The following SEMA3A variants were observed in gnomAD, a reference collection of about 807,000 sequenced individuals.
The protein encoded by SEMA3A is semaphorin 3A, also known as semaphorin-3A.
Under a neutral mutation model 97.9 loss-of-function variants are expected in SEMA3A, and 29 were observed. The ratio of observed to expected loss-of-function variants is 0.30; its 90% CI spans 0.22 to 0.40. The LOEUF (loss-of-function observed/expected upper bound fraction) is 0.40, where lower values mean the gene tolerates loss of function less well. Ranked by LOEUF, SEMA3A falls within the 10% of genes least tolerant of loss-of-function variation. The probability of loss-of-function intolerance (pLI) is 1.00; values close to 1 mark genes in which losing one functional copy is unlikely to be tolerated. For missense variants in SEMA3A, 763 were observed against 951.3 expected (o/e 0.80, Z 2.60); for synonymous variants, 321 against 323.7 (o/e 0.99, Z 0.09).
intron 5 of SEMA3A, among the ~76,000 whole-genome samples, chr7:84,059,603 T>G (rs535387398): frequency 7.2e-5 from 11 of 152,060 alleles, no homozygotes; most frequent in Non-Finnish European, 1.3e-4. Context: ...TTGAAAAGTT[T>G]CATTTTGTTG....
intron 1 of SEMA3A, among the ~76,000 whole-genome samples, chr7:84,453,622 T>C (rs906988290): frequency 6.6e-6 from 1 of 152,136 alleles, no homozygotes; most frequent in South Asian, 2.1e-4. Context: ...AGTCAAGAAA[T>C]GGTGTATAAT....
chr7:84,140,772 A>G (rs904516524), intron 1 of SEMA3A, among the ~76,000 whole-genome samples: 3 of 152,140 alleles, frequency 2.0e-5, no homozygotes, highest in Admixed American at 2.0e-4. Context: ...AAAAAGTTCC[A>G]GAATAGAGGC....
intron 1 of SEMA3A, among the ~76,000 whole-genome samples, chr7:84,399,936 C>T (rs1803853132): frequency 6.6e-6 from 1 of 152,184 alleles, no homozygotes; most frequent in African/African-American, 2.4e-5. Context: ...TAGAGAGAGG[C>T]TCTTTCTACT....
intron 1 of SEMA3A, among the ~76,000 whole-genome samples, chr7:84,438,228 C>G (rs1219683665): frequency 6.6e-6 from 1 of 152,058 alleles, no homozygotes; most frequent in Non-Finnish European, 1.5e-5. Flanking sequence ...GATACAAATA[C>G]TGTACTCAAG....
chr7:84,434,532 T>C (rs1805073199), intron 1 of SEMA3A, among the ~76,000 whole-genome samples: 1 of 152,108 alleles, frequency 6.6e-6, no homozygotes, highest in Non-Finnish European at 1.5e-5. Context: ...ACCACCCTGA[T>C]ACCAAAACCT....
At chr7:84,393,113 A>T (rs1803628713) in intron 1 of SEMA3A, among the ~76,000 whole-genome samples, 1 of 152,118 alleles carries the variant, frequency 6.6e-6, no homozygotes. Flanking sequence ...CTAAAAACTC[A>T]TTGCTCAGAG....
chr7:84,002,970 T>C (rs867418558), intron 11 of SEMA3A, among the ~76,000 whole-genome samples: 2 of 152,146 alleles, frequency 1.3e-5, no homozygotes, highest in African/African-American at 2.4e-5. Flanking sequence ...CAGGGGCTTA[T>C]TAAATTCAAA....
chr7:84,201,105 G>C (rs1379373572), intron 3 of SEMA3A, among the ~76,000 whole-genome samples: 1 of 152,004 alleles, frequency 6.6e-6, no homozygotes, highest in East Asian at 1.9e-4. Context: ...ATGGTTTAAA[G>C]GATTACTTTA....
At chr7:83,980,617 A>ACAAACAAAC (rs1378367917) in intron 14 of SEMA3A, among the ~76,000 whole-genome samples, 2 of 83,630 alleles carry the variant, frequency 2.4e-5, no homozygotes, top group Admixed American at 1.3e-4. Context: ...AAAAAAAAAA[A>ACAAACAAAC]AAAAAAATAT....
chr7:84,236,213 C>T (rs983559231), intron 3 of SEMA3A, among the ~76,000 whole-genome samples: 4 of 152,076 alleles, frequency 2.6e-5, no homozygotes, highest in African/African-American at 9.7e-5. Flanking sequence ...CTTCCTCTTC[C>T]TCCTGTCTTT....
In SEMA3A at chr7:84,449,531, T is replaced by C. The variant is rs191196375; in HGVS notation, c.-246+42929A>G. ...ATATAAAAAGATTAATAAGAGGATATAGTGAACATTGTTATTCAATTAAAG... is the reference window on the plus strand; with the variant it reads ...ATATAAAAAGATTAATAAGAGGATACAGTGAACATTGTTATTCAATTAAAG... On this transcript the variant is annotated intron_variant, in intron 1 of 3. Transcript: ENST00000424555. Among the ~76,000 whole-genome samples, 153 of 152,206 alleles carry C rather than the reference T, an allele frequency of 1.0e-3. 1 individual carries two copies. The highest frequency in any genetic ancestry group is 6.2e-4 in the Non-Finnish European group (42 of 68,006).
intron 1 of SEMA3A, among the ~76,000 whole-genome samples, chr7:84,453,394 G>C (rs1209337363): frequency 6.6e-6 from 1 of 151,722 alleles, no homozygotes; most frequent in Non-Finnish European, 1.5e-5. Flanking sequence ...CCGCCACCTC[G>C]CCCGGCTAAT....
chr7:83,973,337 T>C (rs917807216), intron 15 of SEMA3A, among the ~76,000 whole-genome samples: 16 of 152,124 alleles, frequency 1.1e-4, no homozygotes, highest in Admixed American at 2.0e-4. Context: ...TCATTTGGTG[T>C]CCCAGTTTGA....
At chr7:83,998,992 ACCTT>A (rs1204515192) in intron 12 of SEMA3A, among the ~76,000 whole-genome samples, 1 of 152,102 alleles carries the variant, frequency 6.6e-6, no homozygotes, top group Non-Finnish European at 1.5e-5. Context: ...TAACAATGCT[ACCTT>A]CTGGAATACC....
intron 3 of SEMA3A, among the ~76,000 whole-genome samples, chr7:84,283,550 G>A (rs1800502628): frequency 6.6e-6 from 1 of 151,912 alleles, no homozygotes; most frequent in Non-Finnish European, 1.5e-5. Context: ...TATAGAAGTT[G>A]GCAACTGATT....
intron 1 of SEMA3A, among the ~76,000 whole-genome samples, chr7:84,418,658 A>G (rs1584308688): frequency 6.6e-6 from 1 of 152,026 alleles, no homozygotes; most frequent in East Asian, 1.9e-4. Flanking sequence ...CTTGGACATC[A>G]TACTCTGGGT....
rs943507495 is a variant in SEMA3A, at chr7:84,122,614, T to G, written c.333+6509A>C. Reference sequence around the variant, plus strand: ...TAATTATCCACTTAATACAGTTTTATTATGTCTCAATATGTCTAAAATAAA... The same window carrying G: ...TAATTATCCACTTAATACAGTTTTAGTATGTCTCAATATGTCTAAAATAAA... On this transcript the variant is annotated intron_variant, in intron 3 of 16. Transcript: ENST00000265362. Among the ~76,000 whole-genome samples, 81 of 152,168 alleles carry G rather than the reference T, an allele frequency of 5.3e-4. 1 individual carries two copies. Among genetic ancestry groups the G allele is most frequent in the African/African-American group, 1.9e-3 (79 of 41,448 alleles).
chr7:84,131,306 G>A (rs1795955308), intron 2 of SEMA3A, among the ~76,000 whole-genome samples: 1 of 152,074 alleles, frequency 6.6e-6, no homozygotes, highest in South Asian at 2.1e-4. Flanking sequence ...TTGTTTAACT[G>A]TTGGTGGTTG....
chr7:84,307,028 G>T (rs1354489067), intron 3 of SEMA3A, among the ~76,000 whole-genome samples: 1 of 151,706 alleles, frequency 6.6e-6, no homozygotes, highest in East Asian at 1.9e-4. Flanking sequence ...TATTTCAAAT[G>T]TTGGAGCCCT....
Sources: gnomAD v4.1 joint callset for allele counts (sites outside exome capture counted in the v4.1 genomes callset) on GRCh38, gnomAD v4.1.1 for gene constraint, MANE v1.5 for transcripts, NCBI Gene and HGNC (gene_info 2026-07-23, HGNC 2026-07-21) for gene names.